The following MSI2 variants were observed in gnomAD, a reference collection of about 807,000 sequenced individuals.
MSI2 encodes the protein RNA-binding protein Musashi homolog 2.
Under a neutral mutation model 45.6 loss-of-function variants are expected in MSI2, and 17 were observed. The observed-to-expected ratio is 0.37, with a 90% confidence interval of 0.26 to 0.56. MSI2 has a LOEUF of 0.56. Ranked by LOEUF, MSI2 falls within the 20% of genes least tolerant of loss-of-function variation. MSI2 has a pLI of 0.77. For missense variants in MSI2, 293 were observed against 444.2 expected, an observed-to-expected ratio of 0.66 and a Z score of 3.06; for synonymous variants, 156 against 158.2, an observed-to-expected ratio of 0.99 and a Z score of 0.11.
At chr17:57,396,243 G>A (rs2083886481) in intron 5 of MSI2, among the ~76,000 whole-genome samples, 1 of 151,862 alleles carries the variant, frequency 6.6e-6, no homozygotes, top group Non-Finnish European at 1.5e-5. Context: ...GGTTTTTTTG[G>A]TGTTTGTTTT....
At chr17:57,455,872 G>A (rs1294587632) in intron 6 of MSI2, among the ~76,000 whole-genome samples, 4 of 152,204 alleles carry the variant, frequency 2.6e-5, no homozygotes, top group East Asian at 1.9e-4. Flanking sequence ...GCACACACAC[G>A]TTCCCATCCC....
chr17:57,272,350 C>T (rs986171014), intron 5 of MSI2, among the ~76,000 whole-genome samples: 6 of 152,266 alleles, frequency 3.9e-5, no homozygotes, highest in Admixed American at 1.3e-4. Flanking sequence ...GGCTGGGCGG[C>T]GTGTCAGGCC....
At chr17:57,701,152 A>G in the MSI2 span, among the ~76,000 whole-genome samples, 1 of 152,288 alleles carries the variant, frequency 6.6e-6, no homozygotes, top group Middle Eastern at 3.4e-3. Context: ...GTAGAGTGTT[A>G]GGAGGCAGCT....
chr17:57,653,680 C>CT (rs1911356215), intron 11 of MSI2, among the ~76,000 whole-genome samples: 1 of 152,136 alleles, frequency 6.6e-6, no homozygotes, highest in Non-Finnish European at 1.5e-5. Flanking sequence ...CGTTCAGTTT[C>CT]TTTCTTTTTA....
At chr17:57,403,568 A>C (rs916537525) in intron 6 of MSI2, among the ~76,000 whole-genome samples, 3 of 152,226 alleles carry the variant, frequency 2.0e-5, no homozygotes, top group Non-Finnish European at 4.4e-5. Flanking sequence ...TTATTAAAAG[A>C]CCAAAGAGGC....
At chr17:57,269,948 G>A (rs1004645079) in intron 5 of MSI2, among the ~76,000 whole-genome samples, 7 of 152,148 alleles carry the variant, frequency 4.6e-5, no homozygotes, top group African/African-American at 1.7e-4. Context: ...CCTGTGGTAT[G>A]TTGTAGCAGC....
intron 11 of MSI2, among the ~76,000 whole-genome samples, chr17:57,653,487 AGCCCCGG>A (rs1474073644): frequency 6.6e-6 from 1 of 151,986 alleles, no homozygotes; most frequent in Non-Finnish European, 1.5e-5. Flanking sequence ...CAGTCCCCCC[AGCCCCGG>A]GCCCCGGGGG....
chr17:57,485,904 TC>T (rs2085744084), intron 6 of MSI2, among the ~76,000 whole-genome samples: 1 of 152,152 alleles, frequency 6.6e-6, no homozygotes, highest in South Asian at 2.1e-4. Context: ...GCACCTGTGT[TC>T]TGAGCCCACT....
intron 7 of MSI2, among the ~76,000 whole-genome samples, chr17:57,569,988 C>T (rs1463097649): frequency 1.3e-5 from 2 of 152,104 alleles, no homozygotes; most frequent in Non-Finnish European, 2.9e-5. Flanking sequence ...TCAGCGTAGA[C>T]ACGAGCCACG....
chr17:57,633,094 A>G, intron 10 of MSI2: 1 of 1,032,942 alleles, frequency 9.7e-7, no homozygotes. Context: ...TCATCTCTGT[A>G]AATAGTTCAT....
chr17:57,644,183 A>G (rs536281085), intron 10 of MSI2, among the ~76,000 whole-genome samples: 1 of 137,132 alleles, frequency 7.3e-6, no homozygotes, highest in East Asian at 2.1e-4. Flanking sequence ...ACAGATTCCT[A>G]TTTTAAATGC....
chr17:57,322,629 GC>G (rs1408484449), intron 5 of MSI2, among the ~76,000 whole-genome samples: 1 of 152,160 alleles, frequency 6.6e-6, no homozygotes, highest in African/African-American at 2.4e-5. Flanking sequence ...CAAACCAGGA[GC>G]TGCATCCCTG....
chr17:57,459,280 G>C (rs2085176922), intron 6 of MSI2, among the ~76,000 whole-genome samples: 1 of 152,150 alleles, frequency 6.6e-6, no homozygotes, highest in South Asian at 2.1e-4. Context: ...CTTTGTTTTG[G>C]GGGCAGGGGT....
At chr17:57,686,667 T>C (rs1913891943), downstream of MSI2, among the ~76,000 whole-genome samples, 1 of 152,142 alleles carries the variant, frequency 6.6e-6, no homozygotes, top group African/African-American at 2.4e-5. Context: ...AGCAATATTA[T>C]GTCATGACAA....
At position 57,627,337 on chromosome 17, in the gene MSI2, A is replaced by G; in HGVS notation, c.727+34A>G. ...CTTGGTCTCCCAGGGCTTTGGAAGC[A>G]CAAGAGGTGGGCTGCATTTGCGGGG... is the stretch of plus-strand genomic sequence containing the variant. On this transcript the variant is annotated intron_variant, in intron 10 of 13. Coordinates refer to ENST00000284073, the MANE Select transcript of MSI2 (RefSeq NM_138962.4). This position sits in a 1 kb window ranked among gnomAD's most constrained non-coding sequence, Gnocchi z 4.6. 6.3e-7 allele frequency: 1 copy of G among 1,598,016 alleles called. No individual in the cohort carries two copies. The highest frequency in any genetic ancestry group is 1.3e-5 in the African/African-American group (1 of 74,704).
At chr17:57,330,188 C>T (rs1372755432) in intron 5 of MSI2, among the ~76,000 whole-genome samples, 1 of 151,970 alleles carries the variant, frequency 6.6e-6, no homozygotes, top group African/African-American at 2.4e-5. Flanking sequence ...TTACTGTGGT[C>T]CTGGGTTTAG....
intron 10 of MSI2, among the ~76,000 whole-genome samples, chr17:57,646,521 A>T (rs1478427188): frequency 6.6e-6 from 1 of 152,230 alleles, no homozygotes; most frequent in Non-Finnish European, 1.5e-5. Context: ...AAGGTCTGAG[A>T]TGAAGGGACG....
intron 10 of MSI2, among the ~76,000 whole-genome samples, chr17:57,645,522 G>A (rs1156380205): frequency 3.3e-5 from 5 of 151,526 alleles, no homozygotes; most frequent in Middle Eastern, 3.4e-3. Context: ...TGCAACCTCC[G>A]CCTCCTGGGT....
At chr17:57,456,952 G>A (rs954566428) in intron 6 of MSI2, among the ~76,000 whole-genome samples, 2 of 152,184 alleles carry the variant, frequency 1.3e-5, no homozygotes, top group Admixed American at 1.3e-4. Context: ...GGTTTCATTG[G>A]CACTTCATTT....
Sources: allele counts gnomAD v4.1 joint callset (sites outside exome capture counted in the v4.1 genomes callset), GRCh38; gene constraint gnomAD v4.1.1; non-coding constraint Gnocchi (gnomAD v3.1); transcripts MANE v1.5; gene names NCBI Gene and HGNC (gene_info 2026-07-23, HGNC 2026-07-21).